USP49: variants seen among roughly 807,000 people sequenced by gnomAD.
USP49 encodes ubiquitin specific peptidase 49.
In USP49, 24 loss-of-function variants were observed where a neutral mutation model predicts 58.6. That is an observed-to-expected ratio of 0.41 (90% CI 0.30 to 0.58). USP49 has a LOEUF of 0.58. USP49 is among the 20% of genes least tolerant of loss of function. The pLI is 0.30. For synonymous variants in USP49, 408 were observed against 365.1 expected (o/e 1.12, Z -1.34); for missense variants, 703 against 866.1 (o/e 0.81, Z 2.36).
chr6:41,809,710 CAACCT>C (rs1773212025), intron 3 of USP49, among the ~76,000 whole-genome samples: 1 of 151,706 alleles, frequency 6.6e-6, no homozygotes, highest in Non-Finnish European at 1.5e-5. Flanking sequence ...CCTGTGGTCC[CAACCT>C]ACTCAGGAGG....
At chr6:41,894,800 T>A (rs1180113715) in intron 1 of USP49, among the ~76,000 whole-genome samples, 1 of 152,032 alleles carries the variant, frequency 6.6e-6, no homozygotes, top group Non-Finnish European at 1.5e-5. Context: ...CACCCTGGCT[T>A]TTGCCTCCTT....
chr6:41,809,789 G>C (rs976422437), intron 3 of USP49, among the ~76,000 whole-genome samples: 1 of 137,078 alleles, frequency 7.3e-6, no homozygotes, highest in African/African-American at 2.7e-5. Context: ...ATTGCGCCAC[G>C]GCACTCCAGC....
chr6:41,823,946 A>AATAT (rs1367127359), intron 3 of USP49, among the ~76,000 whole-genome samples: 1 of 152,090 alleles, frequency 6.6e-6, no homozygotes, highest in East Asian at 1.9e-4. Context: ...TCTAAATTTA[A>AATAT]AAGGTGCACT....
At chr6:41,798,284 T>G (rs1772925798) in intron 7 of USP49, 1 of 176,378 alleles carries the variant, frequency 5.7e-6, no homozygotes, top group South Asian at 1.3e-4. Context: ...TTCTTTTTAT[T>G]TTTTTTGAGA....
At chr6:41,862,429 T>C (rs1226666511) in intron 3 of USP49, among the ~76,000 whole-genome samples, 1 of 152,242 alleles carries the variant, frequency 6.6e-6, no homozygotes, top group Admixed American at 6.5e-5. Context: ...AATATTGATC[T>C]ATTTTTTCTT....
chr6:41,813,039 G>A (rs930190764), intron 3 of USP49, among the ~76,000 whole-genome samples: 1 of 152,090 alleles, frequency 6.6e-6, no homozygotes, highest in Non-Finnish European at 1.5e-5. Flanking sequence ...CTAGTCACAC[G>A]TGACTACTGA....
intron 1 of USP49, among the ~76,000 whole-genome samples, chr6:41,892,135 C>G (rs1043313134): frequency 1.3e-5 from 2 of 152,154 alleles, no homozygotes; most frequent in African/African-American, 4.8e-5. Context: ...CAATGAGACT[C>G]AGTGGTTTAG....
chr6:41,831,822 C>A (rs533008997), intron 3 of USP49, among the ~76,000 whole-genome samples: 23 of 152,246 alleles, frequency 1.5e-4, no homozygotes, highest in Admixed American at 1.5e-3. Context: ...CCCAAACAAG[C>A]TTCTCATATT....
At chr6:41,813,807 T>C (rs1255870775) in intron 3 of USP49, among the ~76,000 whole-genome samples, 2 of 151,888 alleles carry the variant, frequency 1.3e-5, no homozygotes, top group African/African-American at 2.4e-5. Flanking sequence ...CTCCTAAGAG[T>C]GACACAAAAG....
chr6:41,847,302 C>T (rs188825441), intron 3 of USP49, among the ~76,000 whole-genome samples: 29 of 152,208 alleles, frequency 1.9e-4, no homozygotes, highest in Admixed American at 1.3e-3. Context: ...AGAAAACAAT[C>T]CATGACCAAA....
chr6:41,883,965 A>G (rs1774662682), intron 2 of USP49, among the ~76,000 whole-genome samples: 1 of 152,128 alleles, frequency 6.6e-6, no homozygotes. Flanking sequence ...GATGCACACC[A>G]CAGAATACTA....
intron 2 of USP49, 144 bp from the exon 3 acceptor site, chr6:41,871,781 G>C (rs1774415753): frequency 8.8e-6 from 1 of 113,838 alleles, no homozygotes; most frequent in African/African-American, 3.3e-5. Flanking sequence ...TGATGTAAGA[G>C]TAAAAAAAAA....
intron 4 of USP49, among the ~76,000 whole-genome samples, chr6:41,804,908 C>A (rs924643615): frequency 2.6e-5 from 4 of 152,148 alleles, no homozygotes; most frequent in African/African-American, 9.7e-5. Context: ...GCCACCACGC[C>A]CGGCTAATTT....
intron 3 of USP49, among the ~76,000 whole-genome samples, chr6:41,870,886 T>C (rs1006638187): frequency 6.6e-5 from 10 of 151,594 alleles, no homozygotes; most frequent in Non-Finnish European, 1.5e-4. Context: ...ACCCCGTTTC[T>C]ACAAAAATAC....
At chr6:41,853,132 G>C (rs530398914) in intron 3 of USP49, among the ~76,000 whole-genome samples, 1 of 152,312 alleles carries the variant, frequency 6.6e-6, no homozygotes, top group East Asian at 1.9e-4. Flanking sequence ...GTTGCAATGA[G>C]CCGAGATGGC....
chr6:41,849,875 G>A (rs945975211), intron 3 of USP49, among the ~76,000 whole-genome samples: 1 of 152,016 alleles, frequency 6.6e-6, no homozygotes, highest in Non-Finnish European at 1.5e-5. Flanking sequence ...AAAGTGCTGG[G>A]ATTACAGGCA....
At chr6:41,840,450 T>G (rs1773805688) in intron 3 of USP49, among the ~76,000 whole-genome samples, 1 of 152,016 alleles carries the variant, frequency 6.6e-6, no homozygotes, top group Non-Finnish European at 1.5e-5. Context: ...ATAATGGTAT[T>G]TATTGAGACC....
chr6:41,842,666 A>C (rs1431020295), intron 3 of USP49, among the ~76,000 whole-genome samples: 1 of 152,132 alleles, frequency 6.6e-6, no homozygotes, highest in Non-Finnish European at 1.5e-5. Flanking sequence ...TTATGAGGTA[A>C]GACTTCAAAA....
chr6:41,846,900 G>C (rs1008209378), intron 3 of USP49, among the ~76,000 whole-genome samples: 4 of 152,288 alleles, frequency 2.6e-5, no homozygotes, highest in Admixed American at 2.6e-4. Context: ...TGACTGGACA[G>C]GTTCCAGAGT....
Sources: gnomAD v4.1 joint callset for allele counts (sites outside exome capture counted in the v4.1 genomes callset) on GRCh38, gnomAD v4.1.1 for gene constraint, MANE v1.5 for transcripts, NCBI Gene and HGNC (gene_info 2026-07-23, HGNC 2026-07-21) for gene names.